OPN5: variants seen among roughly 807,000 people sequenced by gnomAD.
OPN5 encodes opsin 5.
In OPN5, 18 loss-of-function variants were observed where a neutral mutation model predicts 41.7. That is an observed-to-expected ratio of 0.43 (90% confidence interval 0.30 to 0.64). The LOEUF (loss-of-function observed/expected upper bound fraction) is 0.64, where lower values mean the gene tolerates loss of function less well. Among genes scored for constraint, OPN5 ranks in the 30% least tolerant of loss-of-function variants. OPN5 has a pLI of 0.13. For missense variants in OPN5, 318 were observed against 434.5 expected (o/e 0.73, Z 2.38); for synonymous variants, 178 against 164.3 (o/e 1.08, Z -0.64).
chr6:47,790,147 T>C (rs1031653791), intron 2 of OPN5, among the ~76,000 whole-genome samples: 1 of 152,022 alleles, frequency 6.6e-6, no homozygotes, highest in Non-Finnish European at 1.5e-5. Context: ...AAGAAACAAC[T>C]GAAACAGAAG....
chr6:47,786,036 C>T (rs552283049), intron 1 of OPN5, among the ~76,000 whole-genome samples: 15 of 152,368 alleles, frequency 9.8e-5, no homozygotes, highest in Admixed American at 6.5e-5. Flanking sequence ...TACCTGGCCT[C>T]TGCCTCTCCT....
At chr6:47,786,108 C>A (rs188815647) in intron 1 of OPN5, among the ~76,000 whole-genome samples, 5 of 152,342 alleles carry the variant, frequency 3.3e-5, no homozygotes, top group Admixed American at 2.0e-4. Context: ...TGGTTGGCTT[C>A]ATCTTCAGAA....
rs762720950 is a variant in OPN5 at position 47,808,403 on chromosome 6, T to C, written c.998+8T>C. 1.2e-6 allele frequency: 2 copies of C among 1,613,716 alleles called. No homozygotes were observed. The highest frequency in any genetic ancestry group is 1.7e-6 in the Non-Finnish European group (2 of 1,179,890). Reference sequence around the variant, plus strand: ...GTCTCTGGAAGGCTTCAGGTAAAACTTCAGAAGCTGGAAATGAATTACACT... The same window carrying C: ...GTCTCTGGAAGGCTTCAGGTAAAACCTCAGAAGCTGGAAATGAATTACACT... On this transcript the variant is annotated splice_region_variant and intron_variant, in intron 5 of 6. Transcript: ENST00000371211.
At chr6:47,800,569 G>A (rs1773732946) in intron 4 of OPN5, among the ~76,000 whole-genome samples, 1 of 152,164 alleles carries the variant, frequency 6.6e-6, no homozygotes, top group African/African-American at 2.4e-5. Flanking sequence ...CCAGAATAAT[G>A]GCTGACAATC....
chr6:47,791,870 C>T (rs1219866609), exon 3 of OPN5: 12 of 1,613,860 alleles, frequency 7.4e-6, no homozygotes, highest in Non-Finnish European at 1.0e-5. Context: ...GATCGGCTGC[C>T]GCTGGTATGG....
At chr6:47,826,366 T>C (rs1762790912), downstream of OPN5, 1 of 152,186 alleles carries the variant, frequency 6.6e-6, no homozygotes, top group East Asian at 1.9e-4. Flanking sequence ...AAAAATAAAG[T>C]GTTCTAATCT....
rs769383635 is a variant in OPN5 at position 47,811,650 on chromosome 6, G to A, written c.999-24G>A. The A allele has an allele frequency of 5.7e-6, 9 of 1,567,070 alleles. No homozygotes were observed. The South Asian group carries it at 1.0e-4, about 17-fold the overall frequency. Reference sequence around the variant, plus strand: ...TGTGTGTATATGTAGATATTAAATTGCATTTTTCTTCTCCTATATCTAGGC... The same window carrying A: ...TGTGTGTATATGTAGATATTAAATTACATTTTTCTTCTCCTATATCTAGGC... On this transcript the variant is annotated intron_variant, in intron 5 of 6. Coordinates refer to ENST00000371211, the Ensembl canonical transcript of OPN5.
chr6:47,804,179 A>T (rs2113978832), intron 4 of OPN5, among the ~76,000 whole-genome samples: 1 of 152,284 alleles, frequency 6.6e-6, no homozygotes, highest in East Asian at 1.9e-4. Context: ...ACTGGGTTGC[A>T]GTTGTGTGAT....
chr6:47,788,804 C>T (rs1437379198), intron 2 of OPN5, among the ~76,000 whole-genome samples: 1 of 2,992 alleles, frequency 3.3e-4, no homozygotes, highest in African/African-American at 5.9e-4. Flanking sequence ...TTAGGATAAC[C>T]TGGGGGGGGG....
At chr6:47,797,269 ACT>A (rs1428957150) in intron 4 of OPN5, among the ~76,000 whole-genome samples, 1 of 152,142 alleles carries the variant, frequency 6.6e-6, no homozygotes, top group African/African-American at 2.4e-5. Flanking sequence ...TATTTTCATC[ACT>A]CTAAATCTAT....
At chr6:47,821,163 G>GGAAGCAGGT (rs1762611188) in intron 6 of OPN5, among the ~76,000 whole-genome samples, 1 of 152,176 alleles carries the variant, frequency 6.6e-6, no homozygotes, top group South Asian at 2.1e-4. Context: ...AAGTGGAAGG[G>GGAAGCAGGT]GAGGCAGGTG....
At chr6:47,809,200 C>G (rs74645455) in intron 5 of OPN5, among the ~76,000 whole-genome samples, 10,315 of 152,144 alleles carry the variant, frequency 0.068, 440 homozygotes, top group South Asian at 0.14. Flanking sequence ...GAAGAGGCAC[C>G]TGAATTCATG....
At chr6:47,814,913 A>C (rs559630197) in intron 6 of OPN5, among the ~76,000 whole-genome samples, 24 of 152,258 alleles carry the variant, frequency 1.6e-4, no homozygotes, top group African/African-American at 5.5e-4. Context: ...TAATGGTTGA[A>C]ATCAAACAAG....
intron 6 of OPN5, among the ~76,000 whole-genome samples, chr6:47,823,212 G>A (rs1463268277): frequency 6.6e-6 from 1 of 152,186 alleles, no homozygotes; most frequent in Non-Finnish European, 1.5e-5. Flanking sequence ...AGAGTCAGGG[G>A]TTGGAGAGAT....
intron 4 of OPN5, among the ~76,000 whole-genome samples, chr6:47,804,588 A>G (rs1014395266): frequency 6.6e-6 from 1 of 152,228 alleles, no homozygotes; most frequent in Admixed American, 6.5e-5. Flanking sequence ...TTTGTGGAGT[A>G]TATTTTAAAA....
chr6:47,823,315 G>A (rs1348902413), intron 6 of OPN5: 2 of 152,224 alleles, frequency 1.3e-5, no homozygotes, highest in Non-Finnish European at 2.9e-5. Flanking sequence ...GACATAACCA[G>A]AAGCCCCAGC....
exon 1 of OPN5, chr6:47,782,114 T>C (rs1443815334): frequency 2.5e-6 from 4 of 1,613,470 alleles, no homozygotes; most frequent in Non-Finnish European, 3.4e-6. Flanking sequence ...GCCTGCCCCA[T>C]TACCTTCGAG....
chr6:47,787,316 T>C (rs1773222328), intron 2 of OPN5: 1 of 229,680 alleles, frequency 4.4e-6, no homozygotes, highest in African/African-American at 2.3e-5. Flanking sequence ...TGAGAACCAC[T>C]GGCTTCTTTT....
At chr6:47,797,524 C>A (rs578015621) in intron 4 of OPN5, among the ~76,000 whole-genome samples, 90 of 152,150 alleles carry the variant, frequency 5.9e-4, no homozygotes, top group African/African-American at 2.1e-3. Flanking sequence ...TACTTTGTAC[C>A]AGGTACTATT....
Sources: gnomAD v4.1 joint callset for allele counts (sites outside exome capture counted in the v4.1 genomes callset) on GRCh38, gnomAD v4.1.1 for gene constraint, MANE v1.5 for transcripts, NCBI Gene and HGNC (gene_info 2026-07-23, HGNC 2026-07-21) for gene names.